MTA3: variants seen among roughly 807,000 people sequenced by gnomAD.
MTA3 encodes the protein metastasis-associated protein MTA3.
MTA3 carries 34 observed loss-of-function variants against 83.5 expected under a neutral mutation model. The ratio of observed to expected loss-of-function variants is 0.41; its 90% confidence interval spans 0.31 to 0.54. The LOEUF (loss-of-function observed/expected upper bound fraction) is 0.54, where lower values mean the gene tolerates loss of function less well. MTA3 is among the 20% of genes least tolerant of loss of function. The probability of loss-of-function intolerance (pLI) is 0.33; values close to 1 mark genes in which losing one functional copy is unlikely to be tolerated. For synonymous variants in MTA3, 303 were observed against 252.7 expected (o/e 1.20, Z -1.89); for missense variants, 761 against 726.4 (o/e 1.05, Z -0.55).
chr2:42,630,971 A>G (rs1177560803), intron 4 of MTA3, among the ~76,000 whole-genome samples: 1 of 152,202 alleles, frequency 6.6e-6, no homozygotes, highest in African/African-American at 2.4e-5. Flanking sequence ...TATATAAGTA[A>G]TAAAATAGAA....
At chr2:42,517,667 C>G (rs1207304678) in intron 2 of MTA3, among the ~76,000 whole-genome samples, 7 of 151,276 alleles carry the variant, frequency 4.6e-5, no homozygotes, top group Non-Finnish European at 8.8e-5. Context: ...CACCTGAGGT[C>G]AAGAGTTCGA....
At chr2:42,580,134 A>T (rs1170905150) in intron 3 of MTA3, among the ~76,000 whole-genome samples, 1 of 151,942 alleles carries the variant, frequency 6.6e-6, no homozygotes, top group Admixed American at 6.6e-5. Context: ...TGTTACAGAG[A>T]TAGAGTCTCC....
intron 16 of MTA3, 42 bp from the exon 17 acceptor site, chr2:42,753,332 C>T (rs759517712): frequency 4.6e-5 from 72 of 1,550,048 alleles, no homozygotes; most frequent in Middle Eastern, 1.7e-4. Flanking sequence ...CCTCCACCAT[C>T]GGGACTTGTT....
At chr2:42,666,664 C>G (rs1417791772) in intron 8 of MTA3, among the ~76,000 whole-genome samples, 5 of 152,276 alleles carry the variant, frequency 3.3e-5, no homozygotes, top group African/African-American at 9.6e-5. Flanking sequence ...TAATTAAAAA[C>G]TCATTTTTGT....
chr2:42,646,323 A>T (rs563383786), intron 6 of MTA3, among the ~76,000 whole-genome samples: 2 of 152,262 alleles, frequency 1.3e-5, no homozygotes, highest in Admixed American at 6.5e-5. Flanking sequence ...TCTATGGATC[A>T]AGGAGAAATT....
rs529027151 is a variant in MTA3 at position 42,718,263 on chromosome 2, T to C, written c.1526-725T>C. Among the ~76,000 whole-genome samples, 12 of 152,152 alleles carry C rather than the reference T, an allele frequency of 7.9e-5. No individual in the cohort carries two copies. The East Asian group carries it at 2.3e-3, about 30-fold the overall frequency. ...TAAATTATTATTGTTATTATTATTA[T>C]TGAGATGGAGTTTCGCTCTTGTTGC... On this transcript the variant is annotated intron_variant, in intron 14 of 16. Transcript: ENST00000405094.
At chr2:42,494,284 G>T (rs1674027779), upstream of MTA3, among the ~76,000 whole-genome samples, 2 of 152,010 alleles carry the variant, frequency 1.3e-5, no homozygotes. Flanking sequence ...GCCTGCTCCC[G>T]CGTCCTGCCC....
intron 16 of MTA3, among the ~76,000 whole-genome samples, chr2:42,748,179 C>A (rs1669583257): frequency 6.6e-6 from 1 of 150,472 alleles, no homozygotes; most frequent in African/African-American, 2.5e-5. Flanking sequence ...CAGGCATGTG[C>A]CATCACATCC....
intron 4 of MTA3, among the ~76,000 whole-genome samples, chr2:42,622,479 AT>A (rs1685681400): frequency 6.6e-6 from 1 of 152,136 alleles, no homozygotes; most frequent in African/African-American, 2.4e-5. Flanking sequence ...GGAAATAGTA[AT>A]TATTCATAAC....
intron 3 of MTA3, among the ~76,000 whole-genome samples, chr2:42,608,637 C>T (rs1434628938): frequency 6.6e-6 from 1 of 152,180 alleles, no homozygotes; most frequent in African/African-American, 2.4e-5. Context: ...AATCCCAGCA[C>T]TTTGGGAGGC....
chr2:42,507,855 C>T (rs11902060), intron 2 of MTA3, among the ~76,000 whole-genome samples: 58,337 of 150,248 alleles, frequency 0.39, 11,701 homozygotes, highest in African/African-American at 0.5. Flanking sequence ...GGCTTGAGCC[C>T]GGGAGGCAGA....
At chr2:42,514,168 G>A (rs998899059) in intron 2 of MTA3, among the ~76,000 whole-genome samples, 1 of 151,948 alleles carries the variant, frequency 6.6e-6, no homozygotes, top group African/African-American at 2.4e-5. Flanking sequence ...AGTCGAGATC[G>A]CGCCACTGCA....
chr2:42,600,021 C>G (rs868728109), intron 3 of MTA3, among the ~76,000 whole-genome samples: 2 of 138,162 alleles, frequency 1.4e-5, no homozygotes, highest in South Asian at 2.6e-4. Context: ...ACAGTGAAAC[C>G]CTGTCTGTAC....
chr2:42,498,023 T>C (rs1191619078), intron 2 of MTA3, among the ~76,000 whole-genome samples: 1 of 152,212 alleles, frequency 6.6e-6, no homozygotes, highest in Non-Finnish European at 1.5e-5. Context: ...CACTTTGCAT[T>C]GCATAACTGG....
At chr2:42,687,367 G>C (rs1184171052) in intron 9 of MTA3, among the ~76,000 whole-genome samples, 1 of 152,160 alleles carries the variant, frequency 6.6e-6, no homozygotes, top group Non-Finnish European at 1.5e-5. Context: ...GTATTCATCA[G>C]TGTTGCTGCA....
intron 1 of MTA3, among the ~76,000 whole-genome samples, 183 bp downstream of exon 1, chr2:42,568,956 C>G (rs1319902456): frequency 2.6e-5 from 4 of 152,070 alleles, no homozygotes; most frequent in African/African-American, 9.6e-5. Context: ...CCCCTCCCCC[C>G]ACGCGGGCTC....
intron 14 of MTA3, among the ~76,000 whole-genome samples, chr2:42,713,849 A>G (rs919749366): frequency 2.0e-5 from 3 of 152,186 alleles, no homozygotes; most frequent in Non-Finnish European, 2.9e-5. Flanking sequence ...GTCATTTTCT[A>G]TCATAAATAA....
intron 3 of MTA3, among the ~76,000 whole-genome samples, chr2:42,589,169 T>C (rs978099624): frequency 1.3e-5 from 2 of 152,204 alleles, no homozygotes; most frequent in African/African-American, 4.8e-5. Context: ...CGGCACCTTA[T>C]TTCAACCAGT....
intron 16 of MTA3, among the ~76,000 whole-genome samples, chr2:42,735,160 A>C (rs1668517906): frequency 6.6e-6 from 1 of 152,168 alleles, no homozygotes; most frequent in Non-Finnish European, 1.5e-5. Flanking sequence ...AGTGTTGATG[A>C]CATTTTTTAG....
Sources: allele counts gnomAD v4.1 joint callset (sites outside exome capture counted in the v4.1 genomes callset), GRCh38; gene constraint gnomAD v4.1.1; transcripts MANE v1.5; gene names NCBI Gene and HGNC (gene_info 2026-07-23, HGNC 2026-07-21).